Variants in SALL4 observed in about 807,000 individuals in gnomAD.
The protein encoded by SALL4 is sal-like protein 4.
Under a neutral mutation model 60.8 loss-of-function variants are expected in SALL4, and 4 were observed. That is an observed-to-expected ratio of 0.07 (90% CI 0.03 to 0.15). SALL4 has a LOEUF of 0.15. Among genes scored for constraint, SALL4 ranks in the 10% least tolerant of loss-of-function variants. The probability of loss-of-function intolerance (pLI) is 1.00; values close to 1 mark genes in which losing one functional copy is unlikely to be tolerated. For missense variants in SALL4, 1,178 were observed against 1,394.7 expected, an observed-to-expected ratio of 0.84 and a Z score of 2.48; for synonymous variants, 580 against 574.9, an observed-to-expected ratio of 1.01 and a Z score of -0.13.
chr20:51,790,931 C>T lies in SALL4; in HGVS notation c.1552G>A (p.Gly518Arg), dbSNP rs2078034176. The stretch of plus-strand genomic sequence containing the variant: ...GGTCCCACCCCAGGGAGTGTGGGTC[C>T]ACCCTCACTTTCTGGAGAAGGCCCA... ...QPGPSPESEG[G>R]PTLPGVGPNY... The change falls in exon 2 of 4, where the codon GGA becomes AGA. Residue 518 changes from glycine to arginine, a missense_variant. Around this residue, in one of 5 missense-constraint regions of SALL4, gnomAD observed 853 missense variants for 1,036.8 expected, o/e 0.82. Transcript: ENST00000217086. The surrounding 1 kb of genome is among the most constrained non-coding windows in gnomAD (Gnocchi z 5.5). The T allele has an allele frequency of 1.9e-6, 3 of 1,614,096 alleles. No individual in the cohort carries two copies. The highest frequency in any genetic ancestry group is 1.7e-6 in the Non-Finnish European group (2 of 1,180,012).
chr20:51,788,938 C>T lies in SALL4; in HGVS notation c.2665G>A (p.Glu889Lys), dbSNP rs559900962. The change falls in exon 3 of 4, where the codon GAG becomes AAG. Residue 889 changes from glutamate (E) to lysine (K), a missense_variant. By Grantham distance (56) the Glu-to-Lys change is moderately conservative. Around this residue, in one of 5 missense-constraint regions of SALL4, gnomAD observed 37 missense variants for 73.5 expected, o/e 0.50. Coordinates refer to ENST00000217086, the MANE Select transcript of SALL4 (RefSeq NM_020436.5). This position sits in a 1 kb window ranked among gnomAD's most constrained non-coding sequence, Gnocchi z 4.1. ...GGCTTCTCTCCAGTGTGAGTCCGCT[C>T]GTGGATCTGAAGAGCGCTAGCAGAC... ...FSSASALQIHERTHTGEKPFV... is the reference protein window; with the variant it reads ...FSSASALQIHKRTHTGEKPFV... 6.2e-7 allele frequency: 1 copy of T among 1,614,204 alleles called. No individual in the cohort carries two copies. Among genetic ancestry groups the T allele is most frequent in the African/African-American group, 1.3e-5 (1 of 75,054 alleles).
At chr20:51,796,096 G>A (rs2078077437) in intron 1 of SALL4, among the ~76,000 whole-genome samples, 1 of 151,774 alleles carries the variant, frequency 6.6e-6, no homozygotes, top group East Asian at 1.9e-4. Flanking sequence ...CTACTCGGGA[G>A]GCTGAGGTGG....
rs1447808554 is a variant in SALL4 at position 51,790,467 on chromosome 20, G to A, written c.2016C>T (p.Thr672=). 3.1e-6 allele frequency: 5 copies of A among 1,613,964 alleles called. No individual in the cohort carries two copies. Among genetic ancestry groups the A allele is most frequent in the African/African-American group, 1.3e-5 (1 of 74,902 alleles). The change falls in exon 2 of 4, where the codon ACC becomes ACT. Residue 672 remains threonine (T), a synonymous_variant. Coordinates refer to ENST00000217086, the MANE Select transcript of SALL4 (RefSeq NM_020436.5). This position sits in a 1 kb window ranked among gnomAD's most constrained non-coding sequence, Gnocchi z 5.5. The part of the protein sequence containing the change: ...PCDFTGSEPM[T]VGENGSTGAI... ...CGCCGGTGCTGCCGTTCTCACCCAC[G>A]GTCATTGGCTCAGAACCCGTAAAGT...
chr20:51,794,984 T>G (rs2078071080), intron 1 of SALL4, among the ~76,000 whole-genome samples: 1 of 151,854 alleles, frequency 6.6e-6, no homozygotes, highest in Non-Finnish European at 1.5e-5. Context: ...GGGGTGGGAG[T>G]CGACCACCCA....
chr20:51,784,131 T>C lies in SALL4; in HGVS notation c.*134A>G. 2 of 1,063,202 alleles carry C rather than the reference T, an allele frequency of 1.9e-6. No individual in the cohort carries two copies. Among genetic ancestry groups the C allele is most frequent in the Non-Finnish European group, 2.8e-6 (2 of 710,546 alleles). The allele number at this position is 1,063,202 out of a possible 1,614,324, so 65.9% of individuals were successfully genotyped here. On this transcript the variant is annotated 3_prime_UTR_variant, in exon 4 of 4. Coordinates refer to ENST00000217086, the MANE Select transcript of SALL4 (RefSeq NM_020436.5). ...TTGTAGCACTTGCCTGAGGTTGTGG[T>C]CACAACCAACGTAGTAAACATCATT...
intron 1 of SALL4, chr20:51,792,877 C>A: frequency 9.8e-7 from 1 of 1,021,112 alleles, no homozygotes; most frequent in Non-Finnish European, 1.2e-6. Flanking sequence ...ATTGTTCTCA[C>A]CTCCCTGCTG....
At position 51,790,607 on chromosome 20, in the gene SALL4, G is replaced by A. The variant is rs1474101093; in HGVS notation, c.1876C>T (p.His626Tyr). ...TTCTTCTGGCAGATGGGGCACGAAT[G>A]CTGCGTCTTAATGGATGTGTTGGTT... The part of the protein sequence containing the change: ...HRTNTSIKTQ[H>Y]SCPICQKKFT... Residue 626 changes from histidine (H) to tyrosine (Y), a missense_variant, in exon 2 of 4, where the codon CAT becomes TAT. Transcript: ENST00000217086. This position sits in a 1 kb window ranked among gnomAD's most constrained non-coding sequence, Gnocchi z 5.5. 2 of 1,614,042 alleles carry A rather than the reference G, an allele frequency of 1.2e-6. No homozygotes were observed. The highest frequency in any genetic ancestry group is 4.5e-5 in the East Asian group (2 of 44,880).
In SALL4 at chr20:51,802,343, C is replaced by A. The variant is rs1164349251; in HGVS notation, c.66G>T (p.Gln22His). The change falls in exon 1 of 4, where the codon CAG becomes CAT. Residue 22 changes from glutamine to histidine, a missense_variant. By Grantham distance (24) the Gln-to-His change is conservative (BLOSUM62 0). This residue lies in a region of SALL4 where 108 missense variants were observed against 95.7 expected (regional missense o/e 1.13). Transcript: ENST00000217086. Reference protein sequence around the residue: ...INSEEDQGEQQPQQQTPEFAD... With the variant: ...INSEEDQGEQHPQQQTPEFAD... ...CAAACTCCGGGGTCTGCTGCTGCGG[C>A]TGCTGCTCGCCCTGGTCCTCCTCCG... The A allele has an allele frequency of 6.2e-7, 1 of 1,610,582 alleles. No individual in the cohort carries two copies. Among genetic ancestry groups the A allele is most frequent in the African/African-American group, 1.3e-5 (1 of 74,862 alleles).
chr20:51,791,256 G>A lies in SALL4; in HGVS notation c.1227C>T (p.Pro409=), dbSNP rs2078038221. Residue 409 remains proline, a synonymous_variant, in exon 2 of 4, where the codon CCC becomes CCT. Transcript: ENST00000217086. This position sits in a 1 kb window ranked among gnomAD's most constrained non-coding sequence, Gnocchi z 4.6. ...IHLRSHTGER[P]FVCSVCGHRF... ...GATGACCACAGACAGAGCACACGAA[G>A]GGTCTCTCTCCAGTGTGGGAGCGGA... is the stretch of plus-strand genomic sequence containing the variant. The A allele has an allele frequency of 6.2e-7, 1 of 1,614,122 alleles. No homozygotes were observed. Among genetic ancestry groups the A allele is most frequent in the Admixed American group, 1.7e-5 (1 of 60,010 alleles).
At chr20:51,799,929 TTATGTGAGACA>T (rs575350117) in intron 1 of SALL4, among the ~76,000 whole-genome samples, 40 of 152,326 alleles carry the variant, frequency 2.6e-4, no homozygotes, top group African/African-American at 9.1e-4. Context: ...TTCTAAAAAA[TTATGTGAGACA>T]TATACATACA....
At position 51,789,035 on chromosome 20, in the gene SALL4, G is replaced by A. The variant is rs1366305169; in HGVS notation, c.2568C>T (p.Thr856=). The part of the protein sequence containing the change: ...VGPSTLSPGM[T]PLLAAQPRRQ... ...GGCGTGGCTGGGCTGCTAACAAAGGGGTCATCCCTGGGGACAATGTCGAGG... is the reference window on the plus strand; with the variant it reads ...GGCGTGGCTGGGCTGCTAACAAAGGAGTCATCCCTGGGGACAATGTCGAGG... The change falls in exon 3 of 4, where the codon ACC becomes ACT. Residue 856 remains threonine, a synonymous_variant. Transcript: ENST00000217086. The A allele has an allele frequency of 6.2e-7, 1 of 1,614,200 alleles. No homozygotes were observed. The highest frequency in any genetic ancestry group is 8.5e-7 in the Non-Finnish European group (1 of 1,180,056).
chr20:51,790,256 G>A lies in SALL4; in HGVS notation c.2227C>T (p.Leu743=). 1.2e-6 allele frequency: 2 copies of A among 1,614,176 alleles called. No homozygotes were observed. Among genetic ancestry groups the A allele is most frequent in the Non-Finnish European group, 1.7e-6 (2 of 1,180,048 alleles). The change falls in exon 2 of 4, where the codon CTG becomes TTG. Residue 743 remains leucine, a synonymous_variant. Coordinates refer to ENST00000217086, the MANE Select transcript of SALL4 (RefSeq NM_020436.5). The surrounding 1 kb of genome is among the most constrained non-coding windows in gnomAD (Gnocchi z 5.5). ...PGKVGPAPFN[L]QRQGSRENGS... ...TTTTCTCTGCTGCCCTGGCGCTGCA[G>A]GTTAAAAGGGGCAGGACCCACTTTC...
rs2078025440 is a variant in SALL4, at chr20:51,790,212, A to G, written c.2271T>C (p.Asp757=). ...GSRENGSVES[D]GLTNDSSSLM... ...GCGAGGATGAGTCGTTGGTCAAGCC[A>G]TCGCTCTCCACGGAACCGTTTTCTC... Residue 757 remains aspartate (D), a synonymous_variant, in exon 2 of 4, where the codon GAT becomes GAC. Coordinates refer to ENST00000217086, the MANE Select transcript of SALL4 (RefSeq NM_020436.5). This position sits in a 1 kb window ranked among gnomAD's most constrained non-coding sequence, Gnocchi z 5.5. The G allele has an allele frequency of 6.2e-7, 1 of 1,614,118 alleles. No homozygotes were observed. Among genetic ancestry groups the G allele is most frequent in the East Asian group, 2.2e-5 (1 of 44,866 alleles).
intron 3 of SALL4, among the ~76,000 whole-genome samples, chr20:51,785,701 T>A (rs1601163395): frequency 6.6e-6 from 1 of 151,906 alleles, no homozygotes; most frequent in African/African-American, 2.4e-5. Context: ...TGGAGTGCAG[T>A]GGCGCAATCT....
chr20:51,793,578 T>G (rs1006612555), intron 1 of SALL4, among the ~76,000 whole-genome samples: 3 of 152,168 alleles, frequency 2.0e-5, no homozygotes, highest in Admixed American at 1.3e-4. Flanking sequence ...TGCCTCAGTC[T>G]CCCGAGTAGC....
intron 1 of SALL4, among the ~76,000 whole-genome samples, chr20:51,794,435 CAG>C (rs2078068274): frequency 6.6e-6 from 1 of 152,264 alleles, no homozygotes; most frequent in East Asian, 1.9e-4. Context: ...TGCCTAATCC[CAG>C]CTACTCAGGA....
Position 51,784,053 on chromosome 20 carries a change from ATTT to A in SALL4, c.*209_*211del. ...AGAGTCTGTATTTGTTTTGGTATGC[ATTT>A]TTTTTTTATTTTTTCAACTTTTTGC... is the stretch of plus-strand genomic sequence containing the variant. On this transcript the variant is annotated 3_prime_UTR_variant, in exon 4 of 4. Transcript: ENST00000217086. 1 of 546,202 alleles carries A rather than the reference ATTT, an allele frequency of 1.8e-6. No homozygotes were observed. 33.8% of individuals were successfully genotyped at this position (546,202 alleles called of 1,614,324 possible).
At chr20:51,784,750 A>G in intron 3 of SALL4, 66 bp from the exon 4 acceptor site, 7 of 1,546,880 alleles carry the variant, frequency 4.5e-6, no homozygotes, top group Non-Finnish European at 6.3e-6. Flanking sequence ...CAAGCCAAGA[A>G]TCAATCTGCA....
intron 2 of SALL4, 82 bp from the exon 3 acceptor site, chr20:51,789,223 A>G (rs2078016672): frequency 1.3e-5 from 19 of 1,512,314 alleles, no homozygotes; most frequent in Non-Finnish European, 1.6e-5. Flanking sequence ...GATCTTTAAA[A>G]ATAACTGCCT....
Sources: gnomAD v4.1 joint callset for allele counts (sites outside exome capture counted in the v4.1 genomes callset) on GRCh38, gnomAD v4.1.1 for gene constraint, gnomAD v4.1.1 regional missense constraint, Gnocchi (gnomAD v3.1) non-coding constraint, MANE v1.5 for transcripts, NCBI Gene and HGNC (gene_info 2026-07-23, HGNC 2026-07-21) for gene names.